MYLK: variants seen among roughly 807,000 people sequenced by gnomAD.
The protein encoded by MYLK is myosin light chain kinase.
In MYLK, 106 loss-of-function variants were observed where a neutral mutation model predicts 203.4. The ratio of observed to expected loss-of-function variants is 0.52; its 90% CI spans 0.45 to 0.61. The LOEUF is 0.61. MYLK is among the 20% of genes least tolerant of loss of function. The pLI is 0.00. For missense variants in MYLK, 2,072 were observed against 2,442.3 expected, an observed-to-expected ratio of 0.85 and a Z score of 3.20; for synonymous variants, 867 against 959.5, an observed-to-expected ratio of 0.90 and a Z score of 1.78.
chr3:123,699,418 C>T (rs910750859), intron 18 of MYLK, among the ~76,000 whole-genome samples: 7 of 152,172 alleles, frequency 4.6e-5, no homozygotes, highest in East Asian at 1.9e-4. Context: ...TCTGTCTGCC[C>T]GTGAGTGTGT....
At chr3:123,829,090 T>A (rs953824537) in intron 3 of MYLK, among the ~76,000 whole-genome samples, 1 of 152,140 alleles carries the variant, frequency 6.6e-6, no homozygotes, top group South Asian at 2.1e-4. Flanking sequence ...ATTCTACTAC[T>A]GGAAATTTAT....
chr3:123,755,880 G>A (rs1022742052), intron 4 of MYLK, among the ~76,000 whole-genome samples: 2 of 152,132 alleles, frequency 1.3e-5, no homozygotes, highest in Non-Finnish European at 2.9e-5. Flanking sequence ...GATGTCTTTG[G>A]TTTGGATACC....
At chr3:123,637,729 C>G (rs1424278024) in intron 29 of MYLK, among the ~76,000 whole-genome samples, 1 of 152,162 alleles carries the variant, frequency 6.6e-6, no homozygotes, top group Non-Finnish European at 1.5e-5. Flanking sequence ...TGTGGACCCA[C>G]ACAAGTGAGG....
chr3:123,742,277 T>C (rs1187125461), intron 5 of MYLK, among the ~76,000 whole-genome samples: 1 of 152,182 alleles, frequency 6.6e-6, no homozygotes, highest in East Asian at 1.9e-4. Flanking sequence ...TCCCAGCACA[T>C]TGTAGGTATT....
chr3:123,691,219 C>G (rs907714669), intron 19 of MYLK: 5 of 152,104 alleles, frequency 3.3e-5, no homozygotes, highest in Admixed American at 1.3e-4. Context: ...TTCAGAAACG[C>G]TATACTTTAC....
intron 2 of MYLK, among the ~76,000 whole-genome samples, chr3:123,837,983 T>C (rs545664306): frequency 1.3e-4 from 20 of 152,152 alleles, no homozygotes; most frequent in African/African-American, 4.8e-4. Flanking sequence ...AGAGAAGAAA[T>C]AGAGGATGAG....
chr3:123,739,173 G>A, intron 6 of MYLK, 111 bp from the exon 7 acceptor site: 1 of 1,264,920 alleles, frequency 7.9e-7, no homozygotes, highest in Non-Finnish European at 1.1e-6. Context: ...TCAAAGTGTA[G>A]CCTTCCCAAT....
chr3:123,763,846 T>C (rs2063616118), intron 4 of MYLK, among the ~76,000 whole-genome samples: 1 of 152,240 alleles, frequency 6.6e-6, no homozygotes, highest in Non-Finnish European at 1.5e-5. Context: ...TGGCAATGCA[T>C]GTCTTTCAGT....
At chr3:123,685,648 A>C (rs1576548427) in intron 19 of MYLK, among the ~76,000 whole-genome samples, 1 of 149,180 alleles carries the variant, frequency 6.7e-6, no homozygotes, top group Non-Finnish European at 1.5e-5. Flanking sequence ...GAAAATGATC[A>C]CTTATGAATT....
chr3:123,831,170 C>A (rs1485735110), intron 3 of MYLK, among the ~76,000 whole-genome samples: 1 of 152,152 alleles, frequency 6.6e-6, no homozygotes, highest in Non-Finnish European at 1.5e-5. Flanking sequence ...AGAGCAGCAT[C>A]CTGGAGCAGC....
intron 20 of MYLK, among the ~76,000 whole-genome samples, chr3:123,670,005 A>G (rs2059860865): frequency 7.0e-6 from 1 of 142,828 alleles, no homozygotes; most frequent in South Asian, 2.3e-4. Context: ...ACCGCACTCC[A>G]GCCTGGGTGA....
At chr3:123,753,972 T>G (rs1318789334) in intron 4 of MYLK, among the ~76,000 whole-genome samples, 1 of 152,188 alleles carries the variant, frequency 6.6e-6, no homozygotes, top group Non-Finnish European at 1.5e-5. Context: ...TCTGTAGCAA[T>G]AATCCTACTC....
intron 4 of MYLK, among the ~76,000 whole-genome samples, chr3:123,770,163 A>G (rs1188255484): frequency 3.3e-5 from 5 of 151,768 alleles, no homozygotes; most frequent in Non-Finnish European, 7.4e-5. Context: ...ATACAAAAAA[A>G]AAAAAAAAAA....
intron 2 of MYLK, among the ~76,000 whole-genome samples, chr3:123,857,002 T>G (rs955264274): frequency 3.5e-4 from 53 of 152,206 alleles, no homozygotes; most frequent in African/African-American, 1.2e-3. Context: ...GAACAGACAT[T>G]TCTCAAAAGA....
chr3:123,861,157 A>AAAAAAAAAAC (rs1560298465), intron 2 of MYLK, among the ~76,000 whole-genome samples: 1 of 151,610 alleles, frequency 6.6e-6, no homozygotes, highest in African/African-American at 2.4e-5. Context: ...CAAAAAAAAA[A>AAAAAAAAAAC]AACTGATTGG....
intron 31 of MYLK, among the ~76,000 whole-genome samples, chr3:123,625,855 A>G (rs1454770129): frequency 6.6e-6 from 1 of 152,010 alleles, no homozygotes; most frequent in Non-Finnish European, 1.5e-5. Flanking sequence ...AATAAAAATG[A>G]TAAAATAGGT....
chr3:123,864,670 T>C (rs1189776333), intron 2 of MYLK, among the ~76,000 whole-genome samples: 1 of 152,152 alleles, frequency 6.6e-6, no homozygotes, highest in Non-Finnish European at 1.5e-5. Flanking sequence ...TTTGGGAGGC[T>C]GAGACAGGAG....
intron 3 of MYLK, among the ~76,000 whole-genome samples, chr3:123,798,180 T>C (rs549602339): frequency 3.9e-5 from 6 of 152,268 alleles, no homozygotes; most frequent in African/African-American, 1.4e-4. Context: ...AATGAAGACA[T>C]AGAGGCTTAG....
rs2066602419 is a variant in MYLK at position 123,841,968 on chromosome 3, T to C, written c.-126-10298A>G. Among the ~76,000 whole-genome samples, 4 of 152,150 alleles carry C rather than the reference T, an allele frequency of 2.6e-5. No homozygotes were observed. The South Asian group carries it at 8.3e-4, about 31-fold the overall frequency. Reference sequence around the variant, plus strand: ...GGTAGATTATCTCCCATCATGGCCATCAGCAATTCATCCATCCAGGTATAC... The same window carrying C: ...GGTAGATTATCTCCCATCATGGCCACCAGCAATTCATCCATCCAGGTATAC... On this transcript the variant is annotated intron_variant, in intron 2 of 33. Coordinates refer to ENST00000360304, the MANE Select transcript of MYLK (RefSeq NM_053025.4).
Sources: allele counts gnomAD v4.1 joint callset (sites outside exome capture counted in the v4.1 genomes callset), GRCh38; gene constraint gnomAD v4.1.1; transcripts MANE v1.5; gene names NCBI Gene and HGNC (gene_info 2026-07-23, HGNC 2026-07-21).